Variants in PFKL observed in about 807,000 individuals in gnomAD.
PFKL encodes phosphofructokinase, liver type, also known as ATP-dependent 6-phosphofructokinase, liver type.
PFKL carries 74 observed loss-of-function variants against 92.1 expected under a neutral mutation model. The ratio of observed to expected loss-of-function variants is 0.80; its 90% CI spans 0.67 to 0.97. The LOEUF is 0.97. Ranked by LOEUF, PFKL falls within the 50% of genes least tolerant of loss-of-function variation. The pLI, the probability that PFKL is intolerant of heterozygous loss-of-function variation, is 0.00. For missense variants in PFKL, 1,028 were observed against 1,116.6 expected (o/e 0.92, Z 1.13); for synonymous variants, 494 against 456.4 (o/e 1.08, Z -1.05).
At chr21:44,313,582 G>A (rs1266327858) in intron 5 of PFKL, 56 bp from the exon 6 acceptor site, 12 of 1,562,548 alleles carry the variant, frequency 7.7e-6, no homozygotes, top group East Asian at 4.6e-5. Flanking sequence ...GCAGGGAATC[G>A]GGCTGGCAGG....
chr21:44,321,475 C>T (rs1378649949), intron 12 of PFKL: 5 of 334,388 alleles, frequency 1.5e-5, no homozygotes, highest in Non-Finnish European at 2.7e-5. Flanking sequence ...GTGCTCGCCC[C>T]TTCTGCCTCC....
At chr21:44,314,061 G>A in intron 7 of PFKL, 40 bp downstream of exon 7, 1 of 1,398,916 alleles carries the variant, frequency 7.1e-7, no homozygotes, top group Non-Finnish European at 1.0e-6. Context: ...CAGGTGTCCT[G>A]GTGCACTGGG....
rs183216252 is a variant in PFKL, at chr21:44,313,481, G to T, written c.594-157G>T. ...TCGAAACCAGCCCAAAGGCTGGAAG[G>T]ATCCCAAGGTATCTTTTAGCTCAGA... On this transcript the variant is annotated intron_variant, in intron 5 of 21. Transcript: ENST00000349048. Among the ~76,000 whole-genome samples the T allele has an allele frequency of 3.6e-3, 548 of 152,356 alleles. 1 individual carries two copies. Among genetic ancestry groups the T allele is most frequent in the Middle Eastern group, 0.017 (5 of 294 alleles).
chr21:44,305,629 C>T (rs1297497438), intron 1 of PFKL, among the ~76,000 whole-genome samples: 1 of 152,190 alleles, frequency 6.6e-6, no homozygotes, highest in Non-Finnish European at 1.5e-5. Flanking sequence ...GAAGGGGACC[C>T]TGGCCGCTGG....
chr21:44,314,325 T>G (rs2047140414), intron 7 of PFKL: 2 of 360,940 alleles, frequency 5.5e-6, no homozygotes, highest in South Asian at 8.0e-5. Context: ...GGGGTGGGAC[T>G]GCTGAGCCTG....
Position 44,324,567 on chromosome 21 carries a change from G to A in PFKL, c.1727G>A (p.Cys576Tyr). 1 of 1,613,328 alleles carries A rather than the reference G, an allele frequency of 6.2e-7. No individual in the cohort carries two copies. Among genetic ancestry groups the A allele is most frequent in the Non-Finnish European group, 8.5e-7 (1 of 1,179,872 alleles). ...VFIVETMGGY[C>Y]GYLATVTGIA... ...ATCGTGGAGACCATGGGGGGTTACT[G>A]TGGCTACCTGGCCACCGTGACTGGC... Residue 576 changes from cysteine (C) to tyrosine (Y), a missense_variant, in exon 17 of 22, where the codon TGT becomes TAT. Transcript: ENST00000349048.
At chr21:44,309,656 C>T (rs1005713059) in intron 2 of PFKL, among the ~76,000 whole-genome samples, 1 of 152,174 alleles carries the variant, frequency 6.6e-6, no homozygotes, top group Admixed American at 6.5e-5. Context: ...CTGAGTTTTG[C>T]AGACAGACCT....
At chr21:44,313,180 C>G in intron 5 of PFKL, 37 bp downstream of exon 5, 3 of 1,607,942 alleles carry the variant, frequency 1.9e-6, no homozygotes, top group South Asian at 1.1e-5. Flanking sequence ...GCCCAGGGCC[C>G]CTCCTCCCCG....
chr21:44,306,538 G>A, intron 1 of PFKL, 143 bp from the exon 2 acceptor site: 1 of 686,096 alleles, frequency 1.5e-6, no homozygotes, highest in Non-Finnish European at 2.6e-6. Flanking sequence ...TGAGGAGGGT[G>A]ACCAGGGCCT....
chr21:44,311,869 C>T (rs181914644), intron 3 of PFKL, among the ~76,000 whole-genome samples: 5 of 152,324 alleles, frequency 3.3e-5, no homozygotes, highest in Non-Finnish European at 5.9e-5. Context: ...ACTCTATTAC[C>T]TTGGGGCTTC....
At chr21:44,318,119 G>T (rs927787331) in intron 9 of PFKL, among the ~76,000 whole-genome samples, 1 of 152,260 alleles carries the variant, frequency 6.6e-6, no homozygotes, top group Non-Finnish European at 1.5e-5. Context: ...GGGCCTCCAC[G>T]GGAGGATCCA....
intron 2 of PFKL, 79 bp downstream of exon 2, chr21:44,306,833 C>A: frequency 2.3e-6 from 3 of 1,280,990 alleles, no homozygotes; most frequent in South Asian, 1.2e-5. Context: ...CTGTGTGGGT[C>A]ACACTGGGAG....
intron 14 of PFKL, 44 bp downstream of exon 14, chr21:44,322,247 C>T (rs745605329): frequency 1.9e-5 from 30 of 1,553,788 alleles, no homozygotes; most frequent in East Asian, 9.0e-5. Flanking sequence ...AGGGCCAGGG[C>T]GCAGTATCCA....
At chr21:44,314,278 C>T (rs920050218) in intron 7 of PFKL, 19 of 517,866 alleles carry the variant, frequency 3.7e-5, no homozygotes, top group South Asian at 7.1e-5. Context: ...GGCTCAGCCC[C>T]GTGGTCAGTG....
intron 12 of PFKL, 146 bp downstream of exon 12, chr21:44,320,293 C>A: frequency 1.6e-6 from 1 of 621,524 alleles, no homozygotes; most frequent in South Asian, 2.1e-5. Flanking sequence ...TGGGCCTGAC[C>A]TCTGCCTGGG....
At chr21:44,318,164 G>A (rs1218537804) in intron 9 of PFKL, among the ~76,000 whole-genome samples, 5 of 152,214 alleles carry the variant, frequency 3.3e-5, no homozygotes, top group East Asian at 1.9e-4. Context: ...CCTGGCTCCC[G>A]CCCTTGCCTT....
rs746445958 is a variant in PFKL at position 44,318,512 on chromosome 21, G to C, written c.979G>C (p.Ala327Pro). ...GMEAVMALLE[A>P]TPDTPACVVT... ...GGAGGCGGTGATGGCGCTGCTGGAA[G>C]CCACGCCTGACACGCCGGCCTGCGT... Residue 327 changes from alanine (A) to proline (P), a missense_variant, in exon 10 of 22, where the codon GCC (alanine) becomes CCC (proline). Transcript: ENST00000349048. The C allele has an allele frequency of 6.3e-7, 1 of 1,576,982 alleles. No homozygotes were observed. The highest frequency in any genetic ancestry group is 8.6e-7 in the Non-Finnish European group (1 of 1,156,308).
chr21:44,325,832 C>A (rs760254813), intron 19 of PFKL, 129 bp from the exon 20 acceptor site: 2 of 650,392 alleles, frequency 3.1e-6, no homozygotes, highest in Non-Finnish European at 5.5e-6. Context: ...GAACGGTGCA[C>A]GGGTTGGAAG....
At position 44,314,028 on chromosome 21, in the gene PFKL, G is replaced by A. The variant is rs61750224; in HGVS notation, c.747+7G>A. 467,654 of 1,584,618 alleles carry A rather than the reference G, an allele frequency of 0.3. 72,679 individuals are homozygous for A. The highest frequency in any genetic ancestry group is 0.33 in the Non-Finnish European group (378,207 of 1,163,244). ...GTGTGAGAGGCTGGGTGAGGTGGGT[G>A]CCGTCCAGCCTGCTGGGGGCCGCAG... On this transcript the variant is annotated splice_region_variant and intron_variant, in intron 7 of 21. Transcript: ENST00000349048.
Sources: allele counts gnomAD v4.1 joint callset (sites outside exome capture counted in the v4.1 genomes callset), GRCh38; gene constraint gnomAD v4.1.1; transcripts MANE v1.5; gene names NCBI Gene and HGNC (gene_info 2026-07-23, HGNC 2026-07-21).